Variants in RTTN observed in about 807,000 individuals in gnomAD.
The protein encoded by RTTN is rotatin.
RTTN carries 182 observed loss-of-function variants against 269.2 expected under a neutral mutation model. The ratio of observed to expected loss-of-function variants is 0.68; its 90% CI spans 0.60 to 0.76. The LOEUF is 0.76. RTTN is among the 30% of genes least tolerant of loss of function. RTTN has a pLI of 0.00. For synonymous variants in RTTN, 1,006 were observed against 963.5 expected, an observed-to-expected ratio of 1.04 and a Z score of -0.82; for missense variants, 2,545 against 2,608.6, an observed-to-expected ratio of 0.98 and a Z score of 0.53.
chr18:70,047,081 T>C (rs1168025317), intron 40 of RTTN, among the ~76,000 whole-genome samples: 2 of 152,198 alleles, frequency 1.3e-5, no homozygotes, highest in Non-Finnish European at 2.9e-5. Flanking sequence ...ACAAAGGGAC[T>C]ATAACAAATC....
chr18:70,050,788 T>C (rs912499860), intron 39 of RTTN, among the ~76,000 whole-genome samples: 3 of 152,220 alleles, frequency 2.0e-5, no homozygotes, highest in African/African-American at 4.8e-5. Context: ...CGGATGAAGC[T>C]GGAAGCCATC....
chr18:70,175,099 G>C (rs1237951683), intron 11 of RTTN, among the ~76,000 whole-genome samples: 1 of 147,684 alleles, frequency 6.8e-6, no homozygotes, highest in Non-Finnish European at 1.5e-5. Flanking sequence ...CTGTCAATTG[G>C]ACTTAAAGCA....
chr18:70,100,169 C>G (rs982809672), intron 28 of RTTN, among the ~76,000 whole-genome samples: 17 of 152,162 alleles, frequency 1.1e-4, no homozygotes, highest in African/African-American at 3.4e-4. Context: ...ATTACCTTGG[C>G]CAGTATGGCC....
At chr18:70,176,866 TGAAACA>T (rs772614626) in intron 10 of RTTN, 21 bp from the exon 11 acceptor site, 1 of 1,600,486 alleles carries the variant, frequency 6.2e-7, no homozygotes, top group African/African-American at 1.3e-5. Context: ...TTACACAACA[TGAAACA>T]GAAGAAAACA....
chr18:70,146,525 G>A (rs938865788), intron 17 of RTTN, among the ~76,000 whole-genome samples: 1 of 152,122 alleles, frequency 6.6e-6, no homozygotes, highest in Non-Finnish European at 1.5e-5. Context: ...AATACAAGTT[G>A]CCAGGTTTTA....
At chr18:70,067,858 T>C (rs2058185432) in intron 34 of RTTN, among the ~76,000 whole-genome samples, 1 of 152,216 alleles carries the variant, frequency 6.6e-6, no homozygotes, top group Non-Finnish European at 1.5e-5. Flanking sequence ...TTGTGATTCA[T>C]GACAAAGGTC....
At chr18:70,070,181 C>T (rs984568608) in intron 34 of RTTN, among the ~76,000 whole-genome samples, 5 of 152,266 alleles carry the variant, frequency 3.3e-5, no homozygotes, top group Admixed American at 6.5e-5. Context: ...ATCATCACCA[C>T]AACACAGTCA....
intron 27 of RTTN, among the ~76,000 whole-genome samples, chr18:70,109,956 C>A (rs1192136002): frequency 6.6e-6 from 1 of 152,164 alleles, no homozygotes; most frequent in Admixed American, 6.5e-5. Context: ...CTGTGGCTCA[C>A]CCCTATAATC....
At position 70,008,244 on chromosome 18, in the gene RTTN, C is replaced by A. The variant is rs140225846; in HGVS notation, c.6422-1760G>T. On this transcript the variant is annotated intron_variant, in intron 46 of 48. Transcript: ENST00000640769. ...AAGGACATCCACACAAAAACCCCAT[C>A]CAATGGTCACCAACATCAAAAACCA... is the stretch of plus-strand genomic sequence containing the variant. The A allele has an allele frequency of 2.4e-4, 37 of 152,232 alleles. 1 individual carries two copies. Among genetic ancestry groups the A allele is most frequent in the African/African-American group, 7.0e-4 (29 of 41,532 alleles). The allele number at this position is 152,232 out of a possible 1,614,324, so 9.4% of individuals were successfully genotyped here.
At position 70,205,618 on chromosome 18, in the gene RTTN, T is replaced by C; in HGVS notation, c.31+10A>G. ...GGGGTGCCTTGGGCGAGGGGCAAGC[T>C]GACAGTTACCGAGTTTCCTGATGAG... On this transcript the variant is annotated intron_variant, in intron 1 of 48. Transcript: ENST00000640769. 6.2e-7 allele frequency: 1 copy of C among 1,614,090 alleles called. No individual in the cohort carries two copies. The highest frequency in any genetic ancestry group is 8.5e-7 in the Non-Finnish European group (1 of 1,179,998).
intron 19 of RTTN, among the ~76,000 whole-genome samples, chr18:70,141,484 G>A (rs992456453): frequency 6.6e-6 from 1 of 152,176 alleles, no homozygotes; most frequent in Non-Finnish European, 1.5e-5. Flanking sequence ...GGACATGGAT[G>A]AAGCTGGAAA....
At chr18:70,034,495 C>A (rs1182649937) in intron 40 of RTTN, among the ~76,000 whole-genome samples, 1 of 152,168 alleles carries the variant, frequency 6.6e-6, no homozygotes. Flanking sequence ...AATTCAACAT[C>A]TTTTCATATT....
intron 32 of RTTN, among the ~76,000 whole-genome samples, chr18:70,078,013 T>C (rs2058472025): frequency 6.6e-6 from 1 of 151,336 alleles, no homozygotes; most frequent in Non-Finnish European, 1.5e-5. Context: ...TTAAAAGAAA[T>C]AAATATGAAA....
chr18:70,134,842 C>T (rs979977594), intron 22 of RTTN, among the ~76,000 whole-genome samples: 6 of 152,102 alleles, frequency 3.9e-5, no homozygotes, highest in African/African-American at 1.4e-4. Flanking sequence ...TAATCATATA[C>T]TATCGTCCTA....
chr18:70,130,154 A>C (rs1243876039), intron 23 of RTTN: 1 of 152,078 alleles, frequency 6.6e-6, no homozygotes, highest in Non-Finnish European at 1.5e-5. Context: ...ATGTGGAGGA[A>C]GGAGAATGCT....
chr18:70,101,405 G>A (rs565816035), intron 28 of RTTN, among the ~76,000 whole-genome samples: 32 of 152,290 alleles, frequency 2.1e-4, no homozygotes, highest in African/African-American at 7.5e-4. Context: ...TTGTATTTCT[G>A]TGGGATCGGT....
At chr18:70,010,295 C>G (rs943259632) in intron 46 of RTTN, among the ~76,000 whole-genome samples, 2 of 152,190 alleles carry the variant, frequency 1.3e-5, no homozygotes, top group African/African-American at 4.8e-5. Flanking sequence ...TTCTTCTCAG[C>G]ACCACATCGC....
intron 7 of RTTN, chr18:70,194,385 GT>G (rs2061751948): frequency 6.6e-6 from 1 of 152,236 alleles, no homozygotes; most frequent in African/African-American, 2.4e-5. Flanking sequence ...GTGGAAAATA[GT>G]TTGGTGATTC....
intron 46 of RTTN, among the ~76,000 whole-genome samples, chr18:70,009,985 A>C (rs1384510776): frequency 2.0e-5 from 3 of 152,226 alleles, no homozygotes; most frequent in African/African-American, 4.8e-5. Flanking sequence ...CAAAAAAGAA[A>C]AAGAAGGGCA....
Sources: allele counts gnomAD v4.1 joint callset (sites outside exome capture counted in the v4.1 genomes callset), GRCh38; gene constraint gnomAD v4.1.1; transcripts MANE v1.5; gene names NCBI Gene and HGNC (gene_info 2026-07-23, HGNC 2026-07-21).